Variants in GLRA2 observed in about 807,000 individuals in gnomAD.
GLRA2 encodes glycine receptor subunit alpha-2.
Under a neutral mutation model 31.6 loss-of-function variants are expected in GLRA2, and 11 were observed. The observed-to-expected ratio is 0.35, with a 90% CI of 0.22 to 0.58. The LOEUF is 0.58. GLRA2 is among the 20% of genes least tolerant of loss of function. The pLI is 0.84. For missense variants in GLRA2, 212 were observed against 351.8 expected, an observed-to-expected ratio of 0.60 and a Z score of 3.18; for synonymous variants, 132 against 134.0, an observed-to-expected ratio of 0.99 and a Z score of 0.10.
intron 7 of GLRA2, among the ~76,000 whole-genome samples, chrX:14,631,870 A>G (rs1375196878): frequency 1.2e-3 from 1 of 820 alleles, no homozygotes; most frequent in Non-Finnish European, 3.1e-3. Flanking sequence ...TTGTGTGTGT[A>G]GACATATATA....
the GLRA2 span, among the ~76,000 whole-genome samples, chrX:14,472,794 C>T: frequency 3.6e-5 from 4 of 111,295 alleles, no homozygotes; most frequent in Non-Finnish European, 7.5e-5. Context: ...ATTGTCTGTA[C>T]CATCAAATCT....
intron 7 of GLRA2, among the ~76,000 whole-genome samples, chrX:14,688,761 T>G (rs1030301780): frequency 9.1e-6 from 1 of 109,926 alleles, no homozygotes; most frequent in African/African-American, 3.3e-5. Flanking sequence ...GGTGAGGCAA[T>G]GCCTCACCCT....
At chrX:14,597,930 TAAG>T (rs919064020) in intron 4 of GLRA2, among the ~76,000 whole-genome samples, 1 of 111,848 alleles carries the variant, frequency 8.9e-6, no homozygotes, top group Non-Finnish European at 1.9e-5. Flanking sequence ...TATAAAATAA[TAAG>T]AATGCTTGAC....
intron 4 of GLRA2, among the ~76,000 whole-genome samples, chrX:14,588,135 G>A (rs2090102450): frequency 1.8e-5 from 2 of 111,187 alleles, no homozygotes; most frequent in South Asian, 3.8e-4. Context: ...TCGAACTCCC[G>A]ACAAGTGATC....
At chrX:14,633,675 CAT>C (rs1377263886) in intron 7 of GLRA2, among the ~76,000 whole-genome samples, 2 of 111,407 alleles carry the variant, frequency 1.8e-5, no homozygotes, top group African/African-American at 3.3e-5. Context: ...TTAATTGACT[CAT>C]AGTTCTGCGT....
the GLRA2 span, among the ~76,000 whole-genome samples, chrX:14,457,166 C>A: frequency 9.0e-6 from 1 of 110,500 alleles, no homozygotes; most frequent in African/African-American, 3.3e-5. Context: ...GTTTGTATTT[C>A]TTCTTTTGAA....
At chrX:14,570,269 TACAC>T (rs756545385) in intron 2 of GLRA2, among the ~76,000 whole-genome samples, 4 of 112,270 alleles carry the variant, frequency 3.6e-5, no homozygotes, top group Non-Finnish European at 7.5e-5. Flanking sequence ...TAATACATAA[TACAC>T]ACACATATGT....
At chrX:14,482,922 G>C in the GLRA2 span, among the ~76,000 whole-genome samples, 1 of 110,991 alleles carries the variant, frequency 9.0e-6, no homozygotes, top group African/African-American at 3.3e-5. Context: ...TTTAGTCCTA[G>C]AGCAGCTGAA....
At chrX:14,556,586 A>G (rs770561862) in intron 2 of GLRA2, among the ~76,000 whole-genome samples, 1 of 112,115 alleles carries the variant, frequency 8.9e-6, no homozygotes, top group Non-Finnish European at 1.9e-5. Context: ...GGTTCCATTT[A>G]GCCTCTGAGA....
the GLRA2 span, among the ~76,000 whole-genome samples, chrX:14,450,833 C>A: frequency 9.0e-6 from 1 of 111,619 alleles, no homozygotes; most frequent in African/African-American, 3.3e-5. Flanking sequence ...ACCTCAGCCA[C>A]CTGAGTAGCT....
intron 8 of GLRA2, among the ~76,000 whole-genome samples, chrX:14,698,401 G>A (rs374282441): frequency 5.5e-5 from 6 of 109,328 alleles, no homozygotes; most frequent in Non-Finnish European, 7.6e-5. Flanking sequence ...TATTTTGGCC[G>A]GGAGCGGTGG....
At chrX:14,581,766 G>GCACACA (rs57962541) in intron 4 of GLRA2, among the ~76,000 whole-genome samples, 3,443 of 90,803 alleles carry the variant, frequency 0.038, 79 homozygotes, top group African/African-American at 0.075. Context: ...ATTCAAGCAT[G>GCACACA]CACACACACA....
At chrX:14,653,728 C>A (rs1488840014) in intron 7 of GLRA2, among the ~76,000 whole-genome samples, 1 of 112,289 alleles carries the variant, frequency 8.9e-6, no homozygotes, top group Non-Finnish European at 1.9e-5. Context: ...GAAAGAAGTT[C>A]CACTGTGGGT....
At chrX:14,554,707 C>A (rs1173101399) in intron 2 of GLRA2, among the ~76,000 whole-genome samples, 1 of 111,368 alleles carries the variant, frequency 9.0e-6, no homozygotes, top group East Asian at 2.8e-4. Flanking sequence ...GGGAACCAGG[C>A]AGATGGTATA....
the GLRA2 span, among the ~76,000 whole-genome samples, chrX:14,464,274 C>T: frequency 8.9e-6 from 1 of 111,931 alleles, no homozygotes. Flanking sequence ...TATCCTGGAG[C>T]ATCTCTTCTA....
chrX:14,691,270 ACTGTGTGTGTGT>A (rs2091349982), intron 8 of GLRA2, among the ~76,000 whole-genome samples: 1 of 43,795 alleles, frequency 2.3e-5, no homozygotes, highest in African/African-American at 8.1e-5. Context: ...CTAAATATTG[ACTGTGTGTGTGT>A]GTGTGTGTGT....
chrX:14,507,669 A>G, the GLRA2 span, among the ~76,000 whole-genome samples: 1 of 85,558 alleles, frequency 1.2e-5, no homozygotes, highest in Non-Finnish European at 2.5e-5. Context: ...CCACTTAAAT[A>G]TATCACTACG....
the GLRA2 span, among the ~76,000 whole-genome samples, chrX:14,452,208 A>G: frequency 1.9e-4 from 21 of 112,499 alleles, no homozygotes; most frequent in Non-Finnish European, 3.4e-4. Flanking sequence ...AGGTGATTCC[A>G]TTTAAGAACC....
At position 14,667,349 on chromosome X, in the gene GLRA2, A is replaced by G. The variant is rs6630808; in HGVS notation, c.931-23361A>G. Among the ~76,000 whole-genome samples, 14 of 112,157 alleles carry G rather than the reference A, an allele frequency of 1.2e-4. No individual in the cohort carries two copies. The East Asian group carries it at 2.5e-3, about 20-fold the overall frequency. On this transcript the variant is annotated intron_variant, in intron 7 of 8. Transcript: ENST00000218075. ...TAAAGAGATAAATAGATAACATTTT[A>G]GGCTTTCTGGGCTTAAAGTTCTCTG...
Sources: gnomAD v4.1 joint callset for allele counts (sites outside exome capture counted in the v4.1 genomes callset) on GRCh38, gnomAD v4.1.1 for gene constraint, MANE v1.5 for transcripts, NCBI Gene and HGNC (gene_info 2026-07-23, HGNC 2026-07-21) for gene names.